Variants in FGFRL1 observed in about 807,000 individuals in gnomAD.
FGFRL1 encodes fibroblast growth factor receptor-like 1.
A neutral mutation model predicts 36.8 loss-of-function variants in FGFRL1; 24 were observed. That is an observed-to-expected ratio of 0.65 (90% CI 0.47 to 0.92). The LOEUF (loss-of-function observed/expected upper bound fraction) is 0.92, where lower values mean the gene tolerates loss of function less well. Among genes scored for constraint, FGFRL1 ranks in the 40% least tolerant of loss-of-function variants. The pLI, the probability that FGFRL1 is intolerant of heterozygous loss-of-function variation, is 0.00. For missense variants in FGFRL1, 785 were observed against 753.4 expected (o/e 1.04, Z -0.49); for synonymous variants, 422 against 344.1 (o/e 1.23, Z -2.50).
At chr4:1,021,389 C>G (rs1006490158) in intron 2 of FGFRL1, among the ~76,000 whole-genome samples, 9 of 152,186 alleles carry the variant, frequency 5.9e-5, no homozygotes, top group African/African-American at 4.8e-5. Context: ...GCCCCCCAGA[C>G]AGGAGCGGCA....
chr4:1,012,338 C>T (rs1306465360), intron 1 of FGFRL1, 132 bp from the exon 2 acceptor site: 14 of 1,007,598 alleles, frequency 1.4e-5, no homozygotes, highest in Non-Finnish European at 1.8e-5. Context: ...GCTGCGGCTT[C>T]CTCCGCCTGG....
At chr4:1,018,570 G>C (rs1716014962) in intron 2 of FGFRL1, among the ~76,000 whole-genome samples, 1 of 152,192 alleles carries the variant, frequency 6.6e-6, no homozygotes, top group Admixed American at 6.5e-5. Context: ...GCTGGAGGAG[G>C]AGGCTGGGGG....
At chr4:1,024,746 G>C in intron 6 of FGFRL1, 82 bp downstream of exon 6, 2 of 1,455,034 alleles carry the variant, frequency 1.4e-6, no homozygotes, top group Non-Finnish European at 1.8e-6. Context: ...ACCGGGTGGG[G>C]CCCCACCCTT....
intron 3 of FGFRL1, 88 bp downstream of exon 3, chr4:1,022,563 C>T: frequency 6.9e-7 from 1 of 1,458,218 alleles, no homozygotes; most frequent in Non-Finnish European, 9.1e-7. Context: ...CACCTGGGGC[C>T]CGAGAGTCAG....
Position 1,025,461 on chromosome 4 carries a change from G to A in FGFRL1, c.*114G>A. The A allele has an allele frequency of 1.6e-6, 2 of 1,285,332 alleles. No homozygotes were observed. The highest frequency in any genetic ancestry group is 2.1e-6 in the Non-Finnish European group (2 of 936,522). 79.6% of individuals were successfully genotyped at this position (1,285,332 alleles called of 1,614,324 possible). A position where few individuals can be genotyped will look rare whatever the true frequency, so the allele number is the denominator to read the frequency against. ...GACCCATGGCGAGGAGGAATGGCCAGCACCCCAGGCAGTCTGTGTGTGAGG... is the reference window on the plus strand; with the variant it reads ...GACCCATGGCGAGGAGGAATGGCCAACACCCCAGGCAGTCTGTGTGTGAGG... On this transcript the variant is annotated 3_prime_UTR_variant, in exon 7 of 7. Coordinates refer to ENST00000510644, the MANE Select transcript of FGFRL1 (RefSeq NM_001004356.3).
In FGFRL1 at chr4:1,026,828, G is replaced by A. The variant is rs1716566663; in HGVS notation, c.*1481G>A. The A allele has an allele frequency of 2.2e-6, 1 of 455,308 alleles. No individual in the cohort carries two copies. Among genetic ancestry groups the A allele is most frequent in the African/African-American group, 2.0e-5 (1 of 50,032 alleles). 28.2% of individuals were successfully genotyped at this position (455,308 alleles called of 1,614,324 possible). On this transcript the variant is annotated 3_prime_UTR_variant, in exon 7 of 7. Coordinates refer to ENST00000510644, the MANE Select transcript of FGFRL1 (RefSeq NM_001004356.3). ...TGGCCCCAGATCTCTGTAATTTTATGTAGAGTTTGAGCTGAAGCCCCGTAT... is the reference window on the plus strand; with the variant it reads ...TGGCCCCAGATCTCTGTAATTTTATATAGAGTTTGAGCTGAAGCCCCGTAT...
chr4:1,024,268 C>T (rs761356781), intron 5 of FGFRL1, 43 bp from the exon 6 acceptor site: 55 of 1,540,548 alleles, frequency 3.6e-5, no homozygotes, highest in Admixed American at 8.8e-5. Flanking sequence ...GGGTAGAGTC[C>T]GGCGCGGCCC....
chr4:1,022,483 G>C lies in FGFRL1; in HGVS notation c.352+8G>C. On this transcript the variant is annotated splice_region_variant and intron_variant, in intron 3 of 6. Transcript: ENST00000510644. ...ACACCCTCGTCGTGCTGGGTTAGTC[G>C]CTGCTGCGGTCAGAGGTCATGGGCT... The C allele has an allele frequency of 6.3e-7, 1 of 1,586,136 alleles. No homozygotes were observed. Among genetic ancestry groups the C allele is most frequent in the Non-Finnish European group, 8.6e-7 (1 of 1,164,604 alleles).
At position 1,026,007 on chromosome 4, in the gene FGFRL1, TCA is replaced by T. The variant is rs35640602; in HGVS notation, c.*670_*671del. 3.4e-4 allele frequency: 49 copies of T among 142,698 alleles called. No individual in the cohort carries two copies. Among genetic ancestry groups the T allele is most frequent in the South Asian group, 8.7e-4 (4 of 4,620 alleles). 8.8% of individuals were successfully genotyped at this position (142,698 alleles called of 1,614,324 possible). A position where few individuals can be genotyped will look rare whatever the true frequency, so the allele number is the denominator to read the frequency against. ...GGACACACGCAGATATGCTGTCTAG[TCA>T]CACACACACGCAGACATGCTGTCCG... On this transcript the variant is annotated 3_prime_UTR_variant, in exon 7 of 7. Coordinates refer to ENST00000510644, the MANE Select transcript of FGFRL1 (RefSeq NM_001004356.3).
At position 1,016,775 on chromosome 4, in the gene FGFRL1, G is replaced by A. The variant is rs116349073; in HGVS notation, c.79+4211G>A. ...TGTGCCTGAGCGTCCCGGGGCTGGG[G>A]CAGAGCCTGGCCCTGGCACCTGATG... On this transcript the variant is annotated intron_variant, in intron 2 of 6. Coordinates refer to ENST00000510644, the MANE Select transcript of FGFRL1 (RefSeq NM_001004356.3). 1.5e-3 allele frequency among the ~76,000 whole-genome samples: 221 copies of A among 152,288 alleles called. 1 individual carries two copies. The highest frequency in any genetic ancestry group is 5.1e-3 in the African/African-American group (213 of 41,548).
At chr4:1,012,031 A>ATTC (rs1401573064) in intron 1 of FGFRL1, 77 bp downstream of exon 1, 62 of 143,564 alleles carry the variant, frequency 4.3e-4, no homozygotes, top group African/African-American at 1.5e-3. Flanking sequence ...GGGGGCGGGG[A>ATTC]GGGGCGGGTT....
At position 1,026,351 on chromosome 4, in the gene FGFRL1, G is replaced by GC. The variant is rs1442878142; in HGVS notation, c.*1005dup. On this transcript the variant is annotated 3_prime_UTR_variant, in exon 7 of 7. Coordinates refer to ENST00000510644, the MANE Select transcript of FGFRL1 (RefSeq NM_001004356.3). ...TTTGGGAGGGTGTGCCGTGAAGCCT[G>GC]CAGTACGTGTGCCGTGAGGCTCATA... 7.0e-6 allele frequency: 1 copy of GC among 142,320 alleles called. No homozygotes were observed. Among genetic ancestry groups the GC allele is most frequent in the Admixed American group, 7.1e-5 (1 of 14,106 alleles). The allele number at this position is 142,320 out of a possible 1,614,324, so 8.8% of individuals were successfully genotyped here.
At position 1,025,105 on chromosome 4, in the gene FGFRL1, G is replaced by A. The variant is rs750561767; in HGVS notation, c.1273G>A (p.Asp425Asn). Residue 425 changes from aspartate to asparagine, a missense_variant, in exon 7 of 7, where the codon GAC (aspartate) becomes AAC (asparagine). Asp to Asn is a conservative substitution (Grantham distance 23). Coordinates refer to ENST00000510644, the MANE Select transcript of FGFRL1 (RefSeq NM_001004356.3). ...PGHRPPGTAR[D>N]RSGDKDLPSL... The stretch of plus-strand genomic sequence containing the variant: ...GCACCGCCCGCCGGGGACGGCCCGC[G>A]ACCGCAGCGGAGACAAGGACCTTCC... 30 of 1,610,804 alleles carry A rather than the reference G, an allele frequency of 1.9e-5. No homozygotes were observed. Among genetic ancestry groups the A allele is most frequent in the East Asian group, 8.9e-5 (4 of 44,794 alleles).
upstream of FGFRL1, chr4:1,011,082 T>G (rs998422954): frequency 2.6e-5 from 4 of 152,078 alleles, no homozygotes; most frequent in African/African-American, 9.7e-5. Flanking sequence ...TGCTTCTCCC[T>G]TCTGCTCCCG....
intron 6 of FGFRL1, 107 bp downstream of exon 6, chr4:1,024,771 G>C: frequency 7.1e-7 from 1 of 1,404,686 alleles, no homozygotes. Context: ...CCCGGGCCGT[G>C]CTGGCCAGGT....
intron 2 of FGFRL1, among the ~76,000 whole-genome samples, chr4:1,014,531 C>T (rs1041401052): frequency 1.4e-4 from 22 of 152,210 alleles, no homozygotes; most frequent in Non-Finnish European, 2.8e-4. Flanking sequence ...CAAGCTGAGC[C>T]CTGACCCAGG....
intron 2 of FGFRL1, among the ~76,000 whole-genome samples, chr4:1,021,607 A>C (rs1716183708): frequency 6.6e-6 from 1 of 152,098 alleles, no homozygotes; most frequent in Admixed American, 6.5e-5. Context: ...CACACATTGC[A>C]CAGGCTCAGG....
At chr4:1,022,147 C>CA in intron 2 of FGFRL1, 56 bp from the exon 3 acceptor site, 5 of 1,382,404 alleles carry the variant, frequency 3.6e-6, no homozygotes, top group Non-Finnish European at 4.8e-6. Flanking sequence ...TGACCGCCCC[C>CA]CCGGCTCCGG....
intron 5 of FGFRL1, 46 bp downstream of exon 5, chr4:1,024,147 G>A (rs778940041): frequency 1.8e-5 from 24 of 1,333,880 alleles, no homozygotes; most frequent in Middle Eastern, 2.8e-4. Context: ...GCTGGTGGGC[G>A]GGGGCGCTGG....
Sources: allele counts gnomAD v4.1 joint callset (sites outside exome capture counted in the v4.1 genomes callset), GRCh38; gene constraint gnomAD v4.1.1; transcripts MANE v1.5; gene names NCBI Gene and HGNC (gene_info 2026-07-23, HGNC 2026-07-21).